INSC: variants seen among roughly 807,000 people sequenced by gnomAD.
INSC encodes protein inscuteable homolog.
Under a neutral mutation model 58.6 loss-of-function variants are expected in INSC, and 67 were observed. The observed-to-expected ratio is 1.14, with a 90% CI of 0.94 to 1.40. INSC has a LOEUF of 1.40. Among genes scored for constraint, INSC ranks in the 40% most tolerant of loss-of-function variants. The pLI is 0.00. For synonymous variants in INSC, 262 were observed against 276.1 expected (o/e 0.95, Z 0.51); for missense variants, 714 against 692.0 (o/e 1.03, Z -0.36).
At chr11:15,173,669 T>C (rs1849478937) in intron 2 of INSC, among the ~76,000 whole-genome samples, 1 of 152,114 alleles carries the variant, frequency 6.6e-6, no homozygotes, top group Non-Finnish European at 1.5e-5. Flanking sequence ...TTCAAATTCT[T>C]TACAAAATGT....
At chr11:15,155,201 A>G (rs1268404735) in intron 2 of INSC, among the ~76,000 whole-genome samples, 1 of 152,156 alleles carries the variant, frequency 6.6e-6, no homozygotes, top group Non-Finnish European at 1.5e-5. Context: ...CCATTTTCCC[A>G]ACACATGAGT....
intron 7 of INSC, among the ~76,000 whole-genome samples, chr11:15,210,267 G>A (rs1228625898): frequency 6.7e-6 from 1 of 149,998 alleles, no homozygotes; most frequent in Non-Finnish European, 1.5e-5. Context: ...CTCATTTGAT[G>A]GGATTCCTAG....
chr11:15,125,324 G>A (rs892362092), intron 1 of INSC, among the ~76,000 whole-genome samples: 1 of 152,182 alleles, frequency 6.6e-6, no homozygotes, highest in African/African-American at 2.4e-5. Context: ...TGCAATAATG[G>A]GTGCCAGCTC....
intron 9 of INSC, among the ~76,000 whole-genome samples, chr11:15,234,191 G>A (rs912241699): frequency 2.0e-5 from 3 of 152,108 alleles, no homozygotes; most frequent in Non-Finnish European, 2.9e-5. Context: ...CCTTCCTCTG[G>A]CAACCCACTG....
chr11:15,262,234 C>G, the INSC span, among the ~76,000 whole-genome samples: 1 of 151,956 alleles, frequency 6.6e-6, no homozygotes, highest in Non-Finnish European at 1.5e-5. Context: ...ACATTGAAAA[C>G]AATGGAAAAC....
chr11:15,115,192 C>G (rs1304119201), intron 1 of INSC, among the ~76,000 whole-genome samples, 189 bp downstream of exon 1: 1 of 152,204 alleles, frequency 6.6e-6, no homozygotes, highest in Non-Finnish European at 1.5e-5. Context: ...GTGGAATTTT[C>G]TAGCATGTGC....
At chr11:15,159,484 C>T (rs1313847230) in intron 2 of INSC, among the ~76,000 whole-genome samples, 1 of 152,166 alleles carries the variant, frequency 6.6e-6, no homozygotes, top group Non-Finnish European at 1.5e-5. Flanking sequence ...GTAGTCTATA[C>T]ATCAAATCCC....
intron 1 of INSC, among the ~76,000 whole-genome samples, chr11:15,116,146 C>T (rs939886036): frequency 4.6e-5 from 7 of 152,140 alleles, no homozygotes; most frequent in African/African-American, 7.2e-5. Context: ...AAGCACTGTT[C>T]GCCCTTTTAG....
intron 1 of INSC, among the ~76,000 whole-genome samples, chr11:15,126,698 A>T (rs1399419461): frequency 1.3e-5 from 2 of 152,218 alleles, no homozygotes; most frequent in African/African-American, 4.8e-5. Context: ...ATTCATTTAC[A>T]TATCTCTTTC....
intron 9 of INSC, among the ~76,000 whole-genome samples, chr11:15,231,362 T>A (rs905508461): frequency 6.6e-6 from 1 of 152,080 alleles, no homozygotes; most frequent in Non-Finnish European, 1.5e-5. Flanking sequence ...GGGCCACACA[T>A]AAAATACACT....
chr11:15,247,020 G>T lies in INSC; in HGVS notation c.*980G>T, dbSNP rs916661853. ...AAATTCACAGATGCTATAAAGCACA[G>T]CTTTCGCTTTTTTTTTTTTTAGAGA... On this transcript the variant is annotated 3_prime_UTR_variant, in exon 13 of 13. Transcript: ENST00000379556. The T allele has an allele frequency of 2.0e-5, 3 of 147,148 alleles. No homozygotes were observed. Among genetic ancestry groups the T allele is most frequent in the East Asian group, 3.9e-4 (2 of 5,068 alleles). The allele number at this position is 147,148 out of a possible 1,614,324, so 9.1% of individuals were successfully genotyped here.
downstream of INSC, among the ~76,000 whole-genome samples, chr11:15,250,756 T>G (rs1220911680): frequency 6.6e-6 from 1 of 152,174 alleles, no homozygotes; most frequent in Non-Finnish European, 1.5e-5. Flanking sequence ...AACAACAAAT[T>G]TATTCTTATA....
At chr11:15,136,221 A>G (rs552552740) in intron 1 of INSC, among the ~76,000 whole-genome samples, 2 of 152,326 alleles carry the variant, frequency 1.3e-5, no homozygotes, top group South Asian at 4.1e-4. Context: ...AATTATGTCT[A>G]TGTCTAAAAA....
At chr11:15,257,524 C>T in the INSC span, among the ~76,000 whole-genome samples, 1 of 151,414 alleles carries the variant, frequency 6.6e-6, no homozygotes, top group Non-Finnish European at 1.5e-5. Context: ...GAATTTTACG[C>T]CCCCAAAATT....
intron 2 of INSC, among the ~76,000 whole-genome samples, chr11:15,163,711 A>G (rs571454566): frequency 1.9e-4 from 29 of 152,300 alleles, no homozygotes; most frequent in Non-Finnish European, 3.1e-4. Context: ...CCCCTGCCTC[A>G]GCTTCCTGAG....
chr11:15,143,153 T>TCCC (rs1400652791), intron 1 of INSC, among the ~76,000 whole-genome samples: 1 of 152,158 alleles, frequency 6.6e-6, no homozygotes, highest in Non-Finnish European at 1.5e-5. Context: ...TAGTCCCTGC[T>TCCC]CCCCACCTTC....
chr11:15,187,345 G>T (rs185728045), intron 5 of INSC, among the ~76,000 whole-genome samples: 13 of 152,328 alleles, frequency 8.5e-5, no homozygotes, highest in Admixed American at 7.2e-4. Context: ...CTCTATAAAA[G>T]AAGTAGAAAA....
intron 2 of INSC, among the ~76,000 whole-genome samples, chr11:15,173,763 A>T (rs1849482064): frequency 6.6e-6 from 1 of 152,356 alleles, no homozygotes; most frequent in African/African-American, 2.4e-5. Context: ...ATTTCCTAAA[A>T]GAAATCATAT....
intron 5 of INSC, among the ~76,000 whole-genome samples, chr11:15,187,371 T>C (rs537781443): frequency 8.6e-5 from 13 of 151,672 alleles, no homozygotes; most frequent in Non-Finnish European, 1.8e-4. Flanking sequence ...TTTAACCATC[T>C]TTAATCTACT....
Sources: allele counts gnomAD v4.1 joint callset (sites outside exome capture counted in the v4.1 genomes callset), GRCh38; gene constraint gnomAD v4.1.1; transcripts MANE v1.5; gene names NCBI Gene and HGNC (gene_info 2026-07-23, HGNC 2026-07-21).